Variants in DRP2 observed in about 807,000 individuals in gnomAD.
DRP2 encodes dystrophin related protein 2, also known as dystrophin-related protein 2.
DRP2 carries 29 observed loss-of-function variants against 78.2 expected under a neutral mutation model. That is an observed-to-expected ratio of 0.37 (90% CI 0.28 to 0.51). DRP2 has a LOEUF of 0.51. Ranked by LOEUF, DRP2 falls within the 20% of genes least tolerant of loss-of-function variation. The pLI, the probability that DRP2 is intolerant of heterozygous loss-of-function variation, is 0.94. For synonymous variants in DRP2, 290 were observed against 281.9 expected (o/e 1.03, Z -0.29); for missense variants, 686 against 770.6 (o/e 0.89, Z 1.30).
chrX:101,260,093 A>G lies in DRP2; in HGVS notation c.2673A>G (p.Leu891=). 2 of 1,211,025 alleles carry G rather than the reference A, an allele frequency of 1.7e-6. No individual in the cohort carries two copies. Among genetic ancestry groups the G allele is most frequent in the Non-Finnish European group, 2.2e-6 (2 of 895,294 alleles). Reference sequence around the variant, plus strand: ...GCAGTGGCTCTGCAGGCTCGTCCCTAGCTTCCTCTCCACAGCAGTCAGAAG... The same window carrying G: ...GCAGTGGCTCTGCAGGCTCGTCCCTGGCTTCCTCTCCACAGCAGTCAGAAG... ...SDGSGSAGSS[L]ASSPQQSEGS... The change falls in exon 23 of 24, where the codon CTA becomes CTG. Residue 891 remains leucine (L), a synonymous_variant. Transcript: ENST00000395209.
intron 3 of DRP2, among the ~76,000 whole-genome samples, chrX:101,232,210 AT>A (rs1922332330): frequency 9.0e-6 from 1 of 110,668 alleles, no homozygotes; most frequent in South Asian, 4.0e-4. Flanking sequence ...CTCCTGGCTC[AT>A]CCCCACTTAG....
chrX:101,241,559 C>T, intron 6 of DRP2, 109 bp from the exon 7 acceptor site: 1 of 861,633 alleles, frequency 1.2e-6, no homozygotes, highest in Non-Finnish European at 1.6e-6. Context: ...AACATGCCCA[C>T]ATGTGCACAC....
At chrX:101,246,548 G>A (rs1922940640) in intron 11 of DRP2, among the ~76,000 whole-genome samples, 1 of 112,143 alleles carries the variant, frequency 8.9e-6, no homozygotes, top group Non-Finnish European at 1.9e-5. Context: ...CAGTACATGT[G>A]TGCAAAGATT....
intron 7 of DRP2, 144 bp downstream of exon 7, chrX:101,242,080 C>T: frequency 2.4e-6 from 2 of 818,879 alleles, no homozygotes; most frequent in Non-Finnish European, 3.4e-6. Flanking sequence ...AGATTTGGGG[C>T]TGGTTTGGCT....
intron 3 of DRP2, among the ~76,000 whole-genome samples, chrX:101,233,517 G>A (rs1437641830): frequency 8.9e-6 from 1 of 112,052 alleles, no homozygotes; most frequent in Non-Finnish European, 1.9e-5. Context: ...TGGAACTGTT[G>A]GAAAGCCCAG....
chrX:101,245,137 C>A, intron 10 of DRP2, 60 bp downstream of exon 10: 1 of 1,088,538 alleles, frequency 9.2e-7, no homozygotes. Flanking sequence ...CCCTCTCCTG[C>A]CTTTTTGCTA....
At chrX:101,247,957 T>A in intron 12 of DRP2, 132 bp from the exon 13 acceptor site, 1 of 561,288 alleles carries the variant, frequency 1.8e-6, no homozygotes. Flanking sequence ...GACAAGCTTG[T>A]ATCATATTTG....
rs375726242 is a variant in DRP2, at chrX:101,260,667, C to T, written c.*46C>T. Reference sequence around the variant, plus strand: ...ATAGTTCATAGTCCTCTCCTGGTTCCGGTCAAAGCCTTTCCTCAGCCTTCA... The same window carrying T: ...ATAGTTCATAGTCCTCTCCTGGTTCTGGTCAAAGCCTTTCCTCAGCCTTCA... On this transcript the variant is annotated 3_prime_UTR_variant, in exon 24 of 24. Transcript: ENST00000395209. 7.0e-4 allele frequency: 819 copies of T among 1,164,884 alleles called. 2 individuals are homozygous for T. The highest frequency in any genetic ancestry group is 1.6e-3 in the South Asian group (76 of 47,946).
chrX:101,258,227 C>T, intron 21 of DRP2, 82 bp from the exon 22 acceptor site: 1 of 869,236 alleles, frequency 1.2e-6, no homozygotes, highest in South Asian at 2.3e-5. Flanking sequence ...ATTGTTCACA[C>T]CTAGGCCTGA....
At chrX:101,243,341 G>C (rs1482929162) in intron 9 of DRP2, among the ~76,000 whole-genome samples, 1 of 103,874 alleles carries the variant, frequency 9.6e-6, no homozygotes, top group Non-Finnish European at 2.0e-5. Flanking sequence ...CAGGAGAATT[G>C]CTTGAACCCA....
chrX:101,246,958 C>T (rs930661371), intron 11 of DRP2, 132 bp from the exon 12 acceptor site: 4 of 476,774 alleles, frequency 8.4e-6, no homozygotes, highest in Non-Finnish European at 1.4e-5. Context: ...TCTCATTCAT[C>T]CCCACTCTTG....
At chrX:101,232,792 C>G (rs1196573222) in intron 3 of DRP2, among the ~76,000 whole-genome samples, 1 of 112,199 alleles carries the variant, frequency 8.9e-6, no homozygotes, top group Non-Finnish European at 1.9e-5. Context: ...TTCACAGGGT[C>G]GAGGGATTAA....
intron 16 of DRP2, 106 bp downstream of exon 16, chrX:101,251,189 C>G: frequency 1.6e-5 from 12 of 750,011 alleles, no homozygotes; most frequent in Non-Finnish European, 2.3e-5. Context: ...ATAATTACAG[C>G]TAGTCTATTG....
At chrX:101,243,219 G>A (rs898251748) in intron 9 of DRP2, 4 of 225,051 alleles carry the variant, frequency 1.8e-5, no homozygotes, top group Non-Finnish European at 3.2e-5. Flanking sequence ...CTGAGGTCAG[G>A]AGTTCGAGAC....
At chrX:101,243,155 G>A in intron 9 of DRP2, 173 bp downstream of exon 9, 1 of 384,584 alleles carries the variant, frequency 2.6e-6, no homozygotes, top group Non-Finnish European at 4.4e-6. Flanking sequence ...GGCTGGGCGT[G>A]GTGGCTCACA....
chrX:101,242,853 A>G (rs1190232828), intron 8 of DRP2, 51 bp from the exon 9 acceptor site: 2 of 1,125,879 alleles, frequency 1.8e-6, no homozygotes, highest in Non-Finnish European at 2.4e-6. Flanking sequence ...TGGGGATCCC[A>G]CTCTAAATAG....
chrX:101,241,483 C>T (rs1436940003), intron 6 of DRP2, among the ~76,000 whole-genome samples, 185 bp from the exon 7 acceptor site: 1 of 110,278 alleles, frequency 9.1e-6, no homozygotes, highest in Non-Finnish European at 1.9e-5. Flanking sequence ...TTAAAAAAAA[C>T]GTGACTGTAT....
intron 1 of DRP2, among the ~76,000 whole-genome samples, chrX:101,224,208 T>TTTTTTTTTTTTTTTTTTTTG (rs1922023299): frequency 1.4e-5 from 1 of 72,400 alleles, no homozygotes; most frequent in Non-Finnish European, 2.6e-5. Flanking sequence ...TTTTTTTTTT[T>TTTTTTTTTTTTTTTTTTTTG]TTTTTTTTTT....
In DRP2 at chrX:101,262,445, T is replaced by C. The variant is rs1923592128; in HGVS notation, c.*1824T>C. The C allele has an allele frequency of 9.0e-6, 1 of 111,532 alleles. No homozygotes were observed. Among genetic ancestry groups the C allele is most frequent in the African/African-American group, 3.3e-5 (1 of 30,655 alleles). 9.2% of individuals were successfully genotyped at this position (111,532 alleles called of 1,213,427 possible). On this transcript the variant is annotated 3_prime_UTR_variant, in exon 24 of 24. Transcript: ENST00000395209. ...AGAACATTCTCTGGTCCCTTCCAGCTCTTATGGTCTCACTCAGGGCTAAAG... is the reference window on the plus strand; with the variant it reads ...AGAACATTCTCTGGTCCCTTCCAGCCCTTATGGTCTCACTCAGGGCTAAAG...
Sources: allele counts gnomAD v4.1 joint callset (sites outside exome capture counted in the v4.1 genomes callset), GRCh38; gene constraint gnomAD v4.1.1; transcripts MANE v1.5; gene names NCBI Gene and HGNC (gene_info 2026-07-23, HGNC 2026-07-21).